The following CACNB1 variants were observed in gnomAD, a reference collection of about 807,000 sequenced individuals.
CACNB1 encodes the protein voltage-dependent L-type calcium channel subunit beta-1.
In CACNB1, 29 loss-of-function variants were observed where a neutral mutation model predicts 71.6. The ratio of observed to expected loss-of-function variants is 0.40; its 90% CI spans 0.30 to 0.55. The LOEUF is 0.55. Among genes scored for constraint, CACNB1 ranks in the 20% least tolerant of loss-of-function variants. The pLI is 0.38. For synonymous variants in CACNB1, 300 were observed against 319.6 expected, an observed-to-expected ratio of 0.94 and a Z score of 0.65; for missense variants, 623 against 801.8, an observed-to-expected ratio of 0.78 and a Z score of 2.69.
chr17:39,191,210 C>CA (rs200921804), intron 3 of CACNB1, among the ~76,000 whole-genome samples: 2,088 of 151,590 alleles, frequency 0.014, 25 homozygotes, highest in Non-Finnish European at 0.021. Context: ...ACTCAAAAAA[C>CA]AAAAAAAAGA....
At chr17:39,185,556 G>GCCCCCC (rs61295679) in intron 6 of CACNB1, among the ~76,000 whole-genome samples, 1 of 149,834 alleles carries the variant, frequency 6.7e-6, no homozygotes, top group Non-Finnish European at 1.5e-5. Flanking sequence ...GCAGCCAGCA[G>GCCCCCC]CCCCCCCCCA....
At chr17:39,184,181 G>T in intron 9 of CACNB1, 41 bp from the exon 10 acceptor site, 1 of 1,411,494 alleles carries the variant, frequency 7.1e-7, no homozygotes, top group Non-Finnish European at 1.0e-6. Flanking sequence ...GTCAGGGTGG[G>T]CTGGAATGCC....
intron 11 of CACNB1, among the ~76,000 whole-genome samples, chr17:39,183,482 G>C (rs184331677): frequency 1.3e-5 from 2 of 152,202 alleles, no homozygotes; most frequent in Non-Finnish European, 1.5e-5. Context: ...TGGTCTGCAT[G>C]ACCCTAATAA....
chr17:39,177,379 C>A lies in CACNB1; in HGVS notation c.1303G>T (p.Ala435Ser). 2 of 1,612,930 alleles carry A rather than the reference C, an allele frequency of 1.2e-6. No individual in the cohort carries two copies. Among genetic ancestry groups the A allele is most frequent in the Non-Finnish European group, 1.7e-6 (2 of 1,179,678 alleles). ...NRTMATAALA[A>S]SPAPVSNLQG... ...AGGTTGGAGACAGGGGCAGGGCTGG[C>A]AGCCAGGGCTGCGGTAGCCATGGTG... is the stretch of plus-strand genomic sequence containing the variant. The change falls in exon 13 of 14, where the codon GCC becomes TCC. Residue 435 changes from alanine (A) to serine (S), a missense_variant. By Grantham distance (99) the Ala-to-Ser change is moderately conservative. Coordinates refer to ENST00000394303, the MANE Select transcript of CACNB1 (RefSeq NM_000723.5).
At position 39,177,378 on chromosome 17, in the gene CACNB1, G is replaced by A; in HGVS notation, c.1304C>T (p.Ala435Val). The A allele has an allele frequency of 6.2e-7, 1 of 1,613,238 alleles. No homozygotes were observed. Among genetic ancestry groups the A allele is most frequent in the Non-Finnish European group, 8.5e-7 (1 of 1,179,778 alleles). The change falls in exon 13 of 14, where the codon GCC becomes GTC. Residue 435 changes from alanine (A) to valine (V), a missense_variant. Transcript: ENST00000394303. ...GAGGTTGGAGACAGGGGCAGGGCTG[G>A]CAGCCAGGGCTGCGGTAGCCATGGT... ...NRTMATAALA[A>V]SPAPVSNLQG... is the part of the protein sequence containing the mutation.
intron 1 of CACNB1, 40 bp from the exon 2 acceptor site, chr17:39,195,010 G>A: frequency 1.4e-6 from 2 of 1,431,108 alleles, no homozygotes; most frequent in South Asian, 1.2e-5. Context: ...GAATCAGAAG[G>A]GCCCTTTCCC....
intron 13 of CACNB1, 78 bp downstream of exon 13, chr17:39,177,272 C>T: frequency 6.2e-7 from 1 of 1,605,390 alleles, no homozygotes; most frequent in Non-Finnish European, 8.5e-7. Context: ...GCTCCTGGGG[C>T]ACCACACTGC....
chr17:39,196,136 CA>C (rs1413173847), intron 1 of CACNB1, among the ~76,000 whole-genome samples: 2 of 152,118 alleles, frequency 1.3e-5, no homozygotes, highest in African/African-American at 4.8e-5. Context: ...CTGGAGGGGC[CA>C]TGACCAGACT....
intron 9 of CACNB1, 23 bp from the exon 10 acceptor site, chr17:39,184,163 A>G (rs2045867830): frequency 6.7e-7 from 1 of 1,495,080 alleles, no homozygotes; most frequent in Non-Finnish European, 9.3e-7. Context: ...GCAAGAGGGG[A>G]GTCAGGGGTC....
chr17:39,185,699 C>T (rs1444850792), intron 6 of CACNB1, among the ~76,000 whole-genome samples: 1 of 152,024 alleles, frequency 6.6e-6, no homozygotes, highest in African/African-American at 2.4e-5. Context: ...GGTTCATGAC[C>T]ACCAAACCCT....
chr17:39,195,096 C>A (rs1248953149), intron 1 of CACNB1, 126 bp from the exon 2 acceptor site: 9 of 650,690 alleles, frequency 1.4e-5, no homozygotes, highest in Non-Finnish European at 2.5e-5. Flanking sequence ...CACCCCCCTG[C>A]ACATTCCTCC....
In CACNB1 at chr17:39,194,489, T is replaced by C. The variant is rs2144181925; in HGVS notation, c.171+395A>G. Among the ~76,000 whole-genome samples, 1 of 152,288 alleles carries C rather than the reference T, an allele frequency of 6.6e-6. No individual in the cohort carries two copies. Among genetic ancestry groups the C allele is most frequent in the South Asian group, 2.1e-4 (1 of 4,828 alleles). On this transcript the variant is annotated intron_variant, in intron 2 of 13. Coordinates refer to ENST00000394303, the MANE Select transcript of CACNB1 (RefSeq NM_000723.5). The surrounding 1 kb of genome is among the most constrained non-coding windows in gnomAD (Gnocchi z 4.6). The stretch of plus-strand genomic sequence containing the variant: ...TACAGGGACCCAAACATCCTTGCTC[T>C]GCTTTTCCTAGGACCTGCCTCCACC...
At chr17:39,184,937 T>TC in intron 7 of CACNB1, 73 bp from the exon 8 acceptor site, 1 of 1,175,150 alleles carries the variant, frequency 8.5e-7, no homozygotes, top group Non-Finnish European at 1.3e-6. Flanking sequence ...GACTCCAGGC[T>TC]CCCCCATGCA....
intron 11 of CACNB1, among the ~76,000 whole-genome samples, chr17:39,178,549 T>G (rs546128749): frequency 6.6e-6 from 1 of 152,118 alleles, no homozygotes; most frequent in Admixed American, 6.6e-5. Flanking sequence ...CCCACTAATT[T>G]TTTTTAATTT....
rs201083692 is a variant in CACNB1 at position 39,186,896 on chromosome 17, C to T, written c.448G>A (p.Val150Met). 8 of 1,614,138 alleles carry T rather than the reference C, an allele frequency of 5.0e-6. No homozygotes were observed. The highest frequency in any genetic ancestry group is 6.8e-6 in the Non-Finnish European group (8 of 1,179,984). Reference sequence around the variant, plus strand: ...AAGCCAACCTCACAGCCCTCCTTCACCAGCCGCCCGATCCACCAGTCATTA... The same window carrying T: ...AAGCCAACCTCACAGCCCTCCTTCATCAGCCGCCCGATCCACCAGTCATTA... Reference protein sequence around the residue: ...YNNDWWIGRLVKEGCEVGFIP... With the variant: ...YNNDWWIGRLMKEGCEVGFIP... Residue 150 changes from valine (V) to methionine (M), a missense_variant, in exon 5 of 14, where the codon GTG becomes ATG. Val to Met is a conservative substitution (Grantham distance 21). Coordinates refer to ENST00000394303, the MANE Select transcript of CACNB1 (RefSeq NM_000723.5). This position sits in a 1 kb window ranked among gnomAD's most constrained non-coding sequence, Gnocchi z 4.1.
chr17:39,183,371 A>G (rs2045841497), intron 11 of CACNB1, among the ~76,000 whole-genome samples: 1 of 151,602 alleles, frequency 6.6e-6, no homozygotes, highest in Non-Finnish European at 1.5e-5. Flanking sequence ...GAAGAAAGGA[A>G]AGACCTCCCA....
At chr17:39,192,320 T>G (rs2046100092) in intron 2 of CACNB1, 1 of 152,646 alleles carries the variant, frequency 6.6e-6, no homozygotes, top group Middle Eastern at 3.4e-3. Context: ...CAGCTGGCTT[T>G]GACCACAATG....
chr17:39,183,467 G>A (rs1376747755), intron 11 of CACNB1, among the ~76,000 whole-genome samples: 4 of 152,176 alleles, frequency 2.6e-5, no homozygotes, highest in African/African-American at 4.8e-5. Context: ...GTGGAGACAG[G>A]GGACTGGTCT....
intron 11 of CACNB1, among the ~76,000 whole-genome samples, chr17:39,179,166 G>A (rs138267730): frequency 0.015 from 2,224 of 151,220 alleles, 59 homozygotes; most frequent in African/African-American, 0.052. Context: ...GGTGGTAGGC[G>A]CCTGTAGTCT....
Sources: gnomAD v4.1 joint callset for allele counts (sites outside exome capture counted in the v4.1 genomes callset) on GRCh38, gnomAD v4.1.1 for gene constraint, Gnocchi (gnomAD v3.1) non-coding constraint, MANE v1.5 for transcripts, NCBI Gene and HGNC (gene_info 2026-07-23, HGNC 2026-07-21) for gene names.